Variants in LRRTM4 observed in about 807,000 individuals in gnomAD.
LRRTM4 encodes the protein leucine-rich repeat transmembrane neuronal protein 4.
Under a neutral mutation model 47.6 loss-of-function variants are expected in LRRTM4, and 25 were observed. The observed-to-expected ratio is 0.53, with a 90% CI of 0.38 to 0.73. The LOEUF is 0.73. Among genes scored for constraint, LRRTM4 ranks in the 30% least tolerant of loss-of-function variants. The pLI is 0.00. For synonymous variants in LRRTM4, 311 were observed against 269.5 expected (o/e 1.15, Z -1.51); for missense variants, 638 against 713.4 (o/e 0.89, Z 1.20).
chr2:76,962,779 T>C (rs74826532), intron 3 of LRRTM4, among the ~76,000 whole-genome samples: 13,799 of 150,766 alleles, frequency 0.092, 967 homozygotes, highest in East Asian at 0.38. Context: ...CAAAGGGTAT[T>C]ACAGCTTACC....
intron 3 of LRRTM4, among the ~76,000 whole-genome samples, chr2:76,821,899 C>T (rs1671063006): frequency 6.6e-6 from 1 of 151,552 alleles, no homozygotes; most frequent in South Asian, 2.1e-4. Flanking sequence ...CTGGGGCATC[C>T]TCATTGCATC....
At chr2:76,884,882 G>T (rs1673027065) in intron 3 of LRRTM4, among the ~76,000 whole-genome samples, 1 of 151,996 alleles carries the variant, frequency 6.6e-6, no homozygotes, top group Non-Finnish European at 1.5e-5. Context: ...GTACTTTCAA[G>T]AAAATTATTG....
At chr2:76,903,253 T>A (rs1673703938) in intron 3 of LRRTM4, among the ~76,000 whole-genome samples, 1 of 151,860 alleles carries the variant, frequency 6.6e-6, no homozygotes, top group Non-Finnish European at 1.5e-5. Flanking sequence ...GTACAAAACA[T>A]TAGCTGGGTG....
At chr2:77,035,569 A>G (rs539129114) in intron 3 of LRRTM4, among the ~76,000 whole-genome samples, 1 of 152,030 alleles carries the variant, frequency 6.6e-6, no homozygotes, top group African/African-American at 2.4e-5. Context: ...CATAAACCCA[A>G]GAAACAAAAA....
chr2:77,053,586 C>T (rs1296798413), intron 3 of LRRTM4, among the ~76,000 whole-genome samples: 2 of 152,072 alleles, frequency 1.3e-5, no homozygotes, highest in Admixed American at 6.6e-5. Flanking sequence ...GCTTGCTAGT[C>T]TCCTAGTGAT....
rs538420500 is a variant in LRRTM4, at chr2:76,748,445, C to T, written c.*250G>A. 134 of 516,376 alleles carry T rather than the reference C, an allele frequency of 2.6e-4. No individual in the cohort carries two copies. The highest frequency in any genetic ancestry group is 2.3e-3 in the African/African-American group (122 of 52,276). The allele number at this position is 516,376 out of a possible 1,614,324, so 32.0% of individuals were successfully genotyped here. On this transcript the variant is annotated 3_prime_UTR_variant, in exon 4 of 4. Coordinates refer to ENST00000409884, the MANE Select transcript of LRRTM4 (RefSeq NM_001134745.3). The stretch of plus-strand genomic sequence containing the variant: ...ACTTGACACTCTTACTATTTACATC[C>T]GGGAGCATTTTTGTTTGTTTTATGT...
chr2:76,768,033 G>C (rs149625352), intron 3 of LRRTM4, among the ~76,000 whole-genome samples: 1 of 152,160 alleles, frequency 6.6e-6, no homozygotes, highest in Admixed American at 6.5e-5. Flanking sequence ...TAAGAAATTT[G>C]TGACATAATT....
At chr2:76,893,041 G>A (rs1409829579) in intron 3 of LRRTM4, among the ~76,000 whole-genome samples, 1 of 144,742 alleles carries the variant, frequency 6.9e-6, no homozygotes, top group African/African-American at 2.6e-5. Context: ...CATAATCATT[G>A]TCAGCAGAAA....
intron 3 of LRRTM4, among the ~76,000 whole-genome samples, chr2:77,137,912 C>A (rs931825415): frequency 2.0e-5 from 3 of 152,138 alleles, no homozygotes; most frequent in African/African-American, 7.2e-5. Context: ...ATCAATTCAA[C>A]AGGAAGAGCT....
At chr2:77,258,200 T>C (rs577247663) in intron 3 of LRRTM4, among the ~76,000 whole-genome samples, 2 of 151,432 alleles carry the variant, frequency 1.3e-5, no homozygotes, top group Non-Finnish European at 2.9e-5. Context: ...CACCACCAAA[T>C]GCTGGTGAGG....
At chr2:77,426,605 T>C (rs1675114602) in intron 3 of LRRTM4, among the ~76,000 whole-genome samples, 1 of 152,192 alleles carries the variant, frequency 6.6e-6, no homozygotes, top group Admixed American at 6.5e-5. Flanking sequence ...GTTACCCCCA[T>C]GCTACTGTTC....
At chr2:76,822,524 A>G (rs1671081021) in intron 3 of LRRTM4, among the ~76,000 whole-genome samples, 1 of 151,524 alleles carries the variant, frequency 6.6e-6, no homozygotes, top group Non-Finnish European at 1.5e-5. Flanking sequence ...ATTTAGATGA[A>G]GAAAACCCTG....
intron 3 of LRRTM4, among the ~76,000 whole-genome samples, chr2:76,801,240 A>C (rs1450904965): frequency 1.3e-5 from 2 of 152,158 alleles, no homozygotes; most frequent in Admixed American, 6.5e-5. Context: ...CATTATTCAC[A>C]ATAGCAAAGA....
At position 76,997,444 on chromosome 2, in the gene LRRTM4, T is replaced by A. The variant is rs115546732; in HGVS notation, c.1552-248528A>T. 2.3e-3 allele frequency among the ~76,000 whole-genome samples: 344 copies of A among 152,208 alleles called. 1 individual carries two copies. Among genetic ancestry groups the A allele is most frequent in the African/African-American group, 8.0e-3 (333 of 41,556 alleles). ...ACTCAGTCCTCCAGCTCAGGCCTCA[T>A]CACGCATGAACACTGATGAAATATG... On this transcript the variant is annotated intron_variant, in intron 3 of 3. Coordinates refer to ENST00000409884, the MANE Select transcript of LRRTM4 (RefSeq NM_001134745.3).
chr2:77,000,493 G>A (rs1677380423), intron 3 of LRRTM4, among the ~76,000 whole-genome samples: 1 of 152,112 alleles, frequency 6.6e-6, no homozygotes, highest in African/African-American at 2.4e-5. Context: ...AAGTAGTAAA[G>A]GGGTTGCTAA....
chr2:77,091,204 C>T (rs1311721344), intron 3 of LRRTM4, among the ~76,000 whole-genome samples: 2 of 151,460 alleles, frequency 1.3e-5, no homozygotes, highest in Non-Finnish European at 3.0e-5. Context: ...CATTGCCGCC[C>T]TTCTTCCCAA....
At chr2:77,509,008 G>C (rs1228775794) in intron 3 of LRRTM4, among the ~76,000 whole-genome samples, 1 of 152,084 alleles carries the variant, frequency 6.6e-6, no homozygotes, top group African/African-American at 2.4e-5. Flanking sequence ...AGGGCGGGCA[G>C]ATCACCCGAA....
chr2:76,796,165 T>C lies in LRRTM4; in HGVS notation c.1552-47249A>G, dbSNP rs545408524. On this transcript the variant is annotated intron_variant, in intron 3 of 3. Transcript: ENST00000409884. ...ATCCCGCACATGGCTCGCAGGGTCC[T>C]ACGCCCACAGAGCCTCGCTGATTGC... Among the ~76,000 whole-genome samples the C allele has an allele frequency of 1.2e-4, 18 of 144,104 alleles. 2 individuals are homozygous for C. Among genetic ancestry groups the C allele is most frequent in the African/African-American group, 3.8e-4 (15 of 39,610 alleles). 94.5% of individuals were successfully genotyped at this position (144,104 alleles called of 152,430 possible). A position where few individuals can be genotyped will look rare whatever the true frequency, so the allele number is the denominator to read the frequency against.
chr2:77,170,311 A>G (rs1467696033), intron 3 of LRRTM4, among the ~76,000 whole-genome samples: 1 of 152,186 alleles, frequency 6.6e-6, no homozygotes, highest in Non-Finnish European at 1.5e-5. Flanking sequence ...TGAGCTGAGG[A>G]ATGCAGCAAC....
Sources: allele counts gnomAD v4.1 joint callset (sites outside exome capture counted in the v4.1 genomes callset), GRCh38; gene constraint gnomAD v4.1.1; transcripts MANE v1.5; gene names NCBI Gene and HGNC (gene_info 2026-07-23, HGNC 2026-07-21).